Variants in WSCD2 observed in about 807,000 individuals in gnomAD.
WSCD2 encodes the protein WSC domain sialate O sulfotransferase 2.
In WSCD2, 28 loss-of-function variants were observed where a neutral mutation model predicts 55.7. The ratio of observed to expected loss-of-function variants is 0.50; its 90% confidence interval spans 0.37 to 0.69. WSCD2 has a LOEUF of 0.69. Among genes scored for constraint, WSCD2 ranks in the 30% least tolerant of loss-of-function variants. The pLI is 0.00. For missense variants in WSCD2, 616 were observed against 762.1 expected (o/e 0.81, Z 2.26); for synonymous variants, 301 against 301.9 (o/e 1.00, Z 0.03).
chr12:108,212,199 A>ATGAGG (rs1886277138), intron 4 of WSCD2, among the ~76,000 whole-genome samples: 1 of 152,174 alleles, frequency 6.6e-6, no homozygotes, highest in Non-Finnish European at 1.5e-5. Flanking sequence ...TGCTAATATT[A>ATGAGG]TGAGTTTTTA....
At chr12:108,190,786 G>T (rs1308807177) in intron 1 of WSCD2, among the ~76,000 whole-genome samples, 1 of 152,166 alleles carries the variant, frequency 6.6e-6, no homozygotes, top group Non-Finnish European at 1.5e-5. Flanking sequence ...ACTCATGCCA[G>T]CCCTGGGGGG....
chr12:108,147,324 C>T (rs1325587451), intron 1 of WSCD2, among the ~76,000 whole-genome samples: 4 of 152,060 alleles, frequency 2.6e-5, no homozygotes, highest in East Asian at 1.9e-4. Context: ...GGAAAGGAGA[C>T]GAAGACTGGG....
chr12:108,135,146 GTCCA>G (rs879662718), intron 1 of WSCD2, among the ~76,000 whole-genome samples: 10 of 149,306 alleles, frequency 6.7e-5, no homozygotes, highest in Admixed American at 4.0e-4. Context: ...CCGTCCATCC[GTCCA>G]TCCATCCATC....
In WSCD2 at chr12:108,248,152, A is replaced by G. The variant is rs766749703; in HGVS notation, c.1507A>G (p.Arg503Gly). Reference protein sequence around the residue: ...RMVSLLGVAVREDRLLCVESQ... With the variant: ...RMVSLLGVAVGEDRLLCVESQ... ...GGTCAGCCTGCTGGGCGTGGCTGTCAGGGAGGACCGGCTGCTCTGTGTGGA... is the reference window on the plus strand; with the variant it reads ...GGTCAGCCTGCTGGGCGTGGCTGTCGGGGAGGACCGGCTGCTCTGTGTGGA... The change falls in exon 9 of 9, where the codon AGG (arginine) becomes GGG (glycine). Residue 503 changes from arginine (R) to glycine (G), a missense_variant. By Grantham distance (125) the Arg-to-Gly change is moderately radical (BLOSUM62 -2). Transcript: ENST00000547525. This position sits in a 1 kb window ranked among gnomAD's most constrained non-coding sequence, Gnocchi z 4.3. The G allele has an allele frequency of 4.3e-6, 7 of 1,614,102 alleles. No individual in the cohort carries two copies. Among genetic ancestry groups the G allele is most frequent in the Non-Finnish European group, 5.9e-6 (7 of 1,180,044 alleles).
At position 108,132,056 on chromosome 12, in the gene WSCD2, ATG is replaced by A. The variant is rs147728372; in HGVS notation, c.-552+2143_-552+2144del. Among the ~76,000 whole-genome samples the A allele has an allele frequency of 1.8e-3, 277 of 151,620 alleles. 1 individual carries two copies. Among genetic ancestry groups the A allele is most frequent in the African/African-American group, 6.3e-3 (261 of 41,356 alleles). ...CAGCATTGTGTGTGTGTGTGTACGC[ATG>A]TGTGTGTGTGTGCCTGCGTATGCAC... On this transcript the variant is annotated intron_variant, in intron 1 of 8. Coordinates refer to ENST00000547525, the MANE Select transcript of WSCD2 (RefSeq NM_014653.4).
chr12:108,213,565 G>C (rs372403163), intron 4 of WSCD2, among the ~76,000 whole-genome samples: 1 of 152,166 alleles, frequency 6.6e-6, no homozygotes, highest in Non-Finnish European at 1.5e-5. Context: ...GGGGCAGCTC[G>C]ATAAAGGAGG....
chr12:108,198,748 A>G (rs1261970611), intron 2 of WSCD2, among the ~76,000 whole-genome samples: 1 of 152,224 alleles, frequency 6.6e-6, no homozygotes, highest in Non-Finnish European at 1.5e-5. Flanking sequence ...TATTTGTAGT[A>G]ATATTAGCTG....
intron 7 of WSCD2, among the ~76,000 whole-genome samples, chr12:108,235,779 T>A (rs555236625): frequency 6.6e-6 from 1 of 152,182 alleles, no homozygotes. Context: ...AGGCTTTGAA[T>A]GTAGTTGCCT....
intron 1 of WSCD2, among the ~76,000 whole-genome samples, chr12:108,156,784 T>G (rs1038206641): frequency 4.6e-5 from 7 of 152,218 alleles, no homozygotes; most frequent in African/African-American, 9.6e-5. Context: ...CGCTCCCAGA[T>G]GGATGAATTT....
rs566027407 is a variant in WSCD2, at chr12:108,209,477, G to T, written c.498-644G>T. Among the ~76,000 whole-genome samples the T allele has an allele frequency of 6.7e-4, 102 of 152,052 alleles. 1 individual carries two copies. Among genetic ancestry groups the T allele is most frequent in the Admixed American group, 1.5e-3 (23 of 15,288 alleles). On this transcript the variant is annotated intron_variant, in intron 3 of 8. Coordinates refer to ENST00000547525, the MANE Select transcript of WSCD2 (RefSeq NM_014653.4). ...GGGTAGGGGAGACCACAGGATCTGG[G>T]GTGTGTGTGTGTGACAGGTGTACCA... is the stretch of plus-strand genomic sequence containing the variant.
rs753571861 is a variant in WSCD2 at position 108,210,222 on chromosome 12, A to G, written c.599A>G (p.Lys200Arg). 1 of 1,613,480 alleles carries G rather than the reference A, an allele frequency of 6.2e-7. No individual in the cohort carries two copies. Among genetic ancestry groups the G allele is most frequent in the South Asian group, 1.1e-5 (1 of 91,018 alleles). Residue 200 changes from lysine to arginine, a missense_variant, in exon 4 of 9, where the codon AAG becomes AGG. Lys to Arg is a conservative substitution (Grantham distance 26). This residue lies in a region of WSCD2 where 374 missense variants were observed against 467.4 expected (regional missense o/e 0.80). Transcript: ENST00000547525. This position sits in a 1 kb window ranked among gnomAD's most constrained non-coding sequence, Gnocchi z 4.3. ...GAGGCAGAGTGCGACATGGAGTGCA[A>G]GGGCGAGCGAGGCAGCGTGTGCGGC... ...VSEAECDMEC[K>R]GERGSVCGGA...
At chr12:108,171,274 TAGGGGAAC>T (rs1880212245) in intron 1 of WSCD2, among the ~76,000 whole-genome samples, 2 of 152,136 alleles carry the variant, frequency 1.3e-5, no homozygotes, top group Non-Finnish European at 2.9e-5. Flanking sequence ...TGGGAGCATG[TAGGGGAAC>T]AGGGCACAGG....
rs745340778 is a variant in WSCD2 at position 108,248,216 on chromosome 12, G to T, written c.1571G>T (p.Arg524Leu). The T allele has an allele frequency of 6.2e-7, 1 of 1,614,182 alleles. No homozygotes were observed. The highest frequency in any genetic ancestry group is 8.5e-7 in the Non-Finnish European group (1 of 1,180,048). ...KDGNFKRSGL[R>L]KLEYDPYTAD... ...GGCAACTTCAAGCGCTCAGGGCTCC[G>T]GAAGCTCGAGTATGACCCCTATACT... Residue 524 changes from arginine (R) to leucine (L), a missense_variant, in exon 9 of 9, where the codon CGG becomes CTG. Physicochemically the swap from Arg to Leu is moderately radical, Grantham distance 102. This residue lies in a region of WSCD2 where 234 missense variants were observed against 264.6 expected (regional missense o/e 0.88). Coordinates refer to ENST00000547525, the MANE Select transcript of WSCD2 (RefSeq NM_014653.4). The surrounding 1 kb of genome is among the most constrained non-coding windows in gnomAD (Gnocchi z 4.3).
intron 3 of WSCD2, among the ~76,000 whole-genome samples, chr12:108,207,025 TCAGA>T (rs1361286849): frequency 1.3e-5 from 2 of 152,218 alleles, no homozygotes; most frequent in African/African-American, 2.4e-5. Flanking sequence ...ACTTGCCTGT[TCAGA>T]CAGTGTTTTC....
intron 1 of WSCD2, among the ~76,000 whole-genome samples, chr12:108,183,821 T>G (rs896893194): frequency 1.3e-5 from 2 of 152,134 alleles, no homozygotes; most frequent in Non-Finnish European, 2.9e-5. Context: ...GGTTGAGTCT[T>G]GTTCTGCCAC....
intron 1 of WSCD2, among the ~76,000 whole-genome samples, chr12:108,172,575 A>G (rs947878129): frequency 1.4e-4 from 22 of 152,136 alleles, no homozygotes; most frequent in African/African-American, 5.3e-4. Context: ...AAACAGAGAC[A>G]TGCAGACACA....
intron 1 of WSCD2, among the ~76,000 whole-genome samples, chr12:108,187,789 C>CCTGCAAAAT (rs1395845745): frequency 6.6e-5 from 10 of 152,258 alleles, no homozygotes; most frequent in South Asian, 2.1e-4. Context: ...AACTGAGTCA[C>CCTGCAAAAT]AGAGAGGCCC....
At chr12:108,208,517 G>A (rs927541393) in intron 3 of WSCD2, among the ~76,000 whole-genome samples, 1 of 152,168 alleles carries the variant, frequency 6.6e-6, no homozygotes, top group African/African-American at 2.4e-5. Context: ...CATAAGCTGG[G>A]TTTTGAAGGA....
intron 8 of WSCD2, among the ~76,000 whole-genome samples, chr12:108,244,004 G>T (rs1378193758): frequency 6.6e-6 from 1 of 152,232 alleles, no homozygotes; most frequent in Non-Finnish European, 1.5e-5. Flanking sequence ...TATACAAGGT[G>T]AATTGTCCTG....
Sources: gnomAD v4.1 joint callset for allele counts (sites outside exome capture counted in the v4.1 genomes callset) on GRCh38, gnomAD v4.1.1 for gene constraint, gnomAD v4.1.1 regional missense constraint, Gnocchi (gnomAD v3.1) non-coding constraint, MANE v1.5 for transcripts, NCBI Gene and HGNC (gene_info 2026-07-23, HGNC 2026-07-21) for gene names.